Variants in RIC8B observed in about 807,000 individuals in gnomAD.
RIC8B encodes chaperone Ric-8B.
In RIC8B, 16 loss-of-function variants were observed where a neutral mutation model predicts 57.5. The ratio of observed to expected loss-of-function variants is 0.28; its 90% confidence interval spans 0.19 to 0.42. RIC8B has a LOEUF of 0.42. Ranked by LOEUF, RIC8B falls within the 10% of genes least tolerant of loss-of-function variation. The pLI is 1.00. For synonymous variants in RIC8B, 216 were observed against 250.8 expected, an observed-to-expected ratio of 0.86 and a Z score of 1.31; for missense variants, 481 against 677.0, an observed-to-expected ratio of 0.71 and a Z score of 3.21.
chr12:106,863,306 C>A (rs1261197374), intron 8 of RIC8B, among the ~76,000 whole-genome samples: 2 of 152,070 alleles, frequency 1.3e-5, no homozygotes, highest in East Asian at 3.8e-4. Context: ...AGCCTCCTTG[C>A]ACACTTAACA....
At chr12:106,792,388 A>C (rs899352293) in intron 2 of RIC8B, among the ~76,000 whole-genome samples, 20 of 152,186 alleles carry the variant, frequency 1.3e-4, no homozygotes, top group Admixed American at 1.2e-3. Context: ...TGATCGTTGG[A>C]TCACTTTTTA....
intron 8 of RIC8B, among the ~76,000 whole-genome samples, chr12:106,861,964 A>T (rs1949959303): frequency 6.6e-6 from 1 of 152,114 alleles, no homozygotes; most frequent in Non-Finnish European, 1.5e-5. Flanking sequence ...CTATAATGGT[A>T]ATGGTCATAT....
chr12:106,790,622 T>C (rs2136192697), intron 2 of RIC8B, among the ~76,000 whole-genome samples: 1 of 152,124 alleles, frequency 6.6e-6, no homozygotes, highest in East Asian at 1.9e-4. Flanking sequence ...AATTCACATG[T>C]TGAGGAAATG....
At chr12:106,846,003 A>G (rs1220030405) in intron 6 of RIC8B, among the ~76,000 whole-genome samples, 3 of 151,950 alleles carry the variant, frequency 2.0e-5, no homozygotes, top group Non-Finnish European at 2.9e-5. Context: ...CGTTTTCCTA[A>G]CCCTAAATGT....
chr12:106,784,982 A>G (rs1316633812), intron 2 of RIC8B, among the ~76,000 whole-genome samples: 1 of 152,146 alleles, frequency 6.6e-6, no homozygotes, highest in East Asian at 1.9e-4. Flanking sequence ...TTCATTTTCC[A>G]GTTACATGCT....
chr12:106,804,199 T>G (rs1438146972), intron 2 of RIC8B, among the ~76,000 whole-genome samples: 2 of 150,378 alleles, frequency 1.3e-5, no homozygotes, highest in Non-Finnish European at 3.0e-5. Flanking sequence ...AGTAGGTACT[T>G]TTTTTTCCTT....
At chr12:106,843,397 G>A (rs960663211) in intron 5 of RIC8B, among the ~76,000 whole-genome samples, 1 of 152,140 alleles carries the variant, frequency 6.6e-6, no homozygotes, top group Non-Finnish European at 1.5e-5. Context: ...GACCAAAAAA[G>A]GCAATAGTAA....
intron 2 of RIC8B, among the ~76,000 whole-genome samples, chr12:106,788,231 G>C (rs1467748823): frequency 1.3e-5 from 2 of 152,202 alleles, no homozygotes; most frequent in Non-Finnish European, 2.9e-5. Flanking sequence ...CAAGAGGTAG[G>C]TTCCCATAGT....
rs2045495285 is a variant in RIC8B, at chr12:106,814,753, G to A, written c.190G>A (p.Val64Met). ...LIKDIPTTCQ[V>M]SCLEVLRILS... is the part of the protein sequence containing the mutation. ...AAAGGACATCCCAACAACATGTCAAGTGTCCTGCCTGGAAGTACTCCGCAT... is the reference window on the plus strand; with the variant it reads ...AAAGGACATCCCAACAACATGTCAAATGTCCTGCCTGGAAGTACTCCGCAT... The change falls in exon 3 of 10, where the codon GTG becomes ATG. Residue 64 changes from valine to methionine, a missense_variant. Physicochemically the swap from Val to Met is conservative, Grantham distance 21. Transcript: ENST00000392837. The A allele has an allele frequency of 6.2e-7, 1 of 1,613,914 alleles. No individual in the cohort carries two copies. The highest frequency in any genetic ancestry group is 8.5e-7 in the Non-Finnish European group (1 of 1,179,864).
intron 4 of RIC8B, among the ~76,000 whole-genome samples, chr12:106,834,738 C>A (rs147626513): frequency 4.6e-4 from 70 of 152,082 alleles, no homozygotes; most frequent in African/African-American, 1.6e-3. Context: ...AATCCCAGCA[C>A]TTTGGGAGGC....
At chr12:106,780,956 TAGTA>T (rs1272748476) in intron 1 of RIC8B, among the ~76,000 whole-genome samples, 2 of 152,218 alleles carry the variant, frequency 1.3e-5, no homozygotes, top group Admixed American at 1.3e-4. Flanking sequence ...TTTACACTTT[TAGTA>T]AACAGTAAGA....
intron 9 of RIC8B, among the ~76,000 whole-genome samples, chr12:106,878,544 A>G (rs1468713138): frequency 6.6e-6 from 1 of 152,168 alleles, no homozygotes; most frequent in Admixed American, 6.5e-5. Context: ...TGCTTTATTT[A>G]TATACTAATT....
At chr12:106,813,186 C>CTT (rs1566071608) in intron 2 of RIC8B, among the ~76,000 whole-genome samples, 3 of 131,472 alleles carry the variant, frequency 2.3e-5, no homozygotes, top group African/African-American at 8.4e-5. Flanking sequence ...AAATACTATG[C>CTT]CTTTTTTTTT....
intron 4 of RIC8B, among the ~76,000 whole-genome samples, chr12:106,828,440 T>A (rs914211811): frequency 2.0e-5 from 3 of 152,240 alleles, no homozygotes; most frequent in Non-Finnish European, 4.4e-5. Flanking sequence ...AAAATTTTTT[T>A]AAAGGATTTC....
chr12:106,841,228 T>C (rs1192075752), intron 4 of RIC8B, among the ~76,000 whole-genome samples: 1 of 152,208 alleles, frequency 6.6e-6, no homozygotes. Flanking sequence ...ACTTGTATTT[T>C]ACTAGGAACC....
In RIC8B at chr12:106,802,077, AG is replaced by A. The variant is rs771897945; in HGVS notation, c.133-12616del. 1.2e-4 allele frequency among the ~76,000 whole-genome samples: 18 copies of A among 152,352 alleles called. No individual in the cohort carries two copies. In the East Asian group the frequency reaches 1.7e-3, roughly 15 times the overall value. ...AGTGTAGACATAACCTTGAGAGGCC[AG>A]GGAAACATCATCCATCCAAGGGAGC... On this transcript the variant is annotated intron_variant, in intron 2 of 9. Coordinates refer to ENST00000392837, the MANE Select transcript of RIC8B (RefSeq NM_001330145.2).
In RIC8B at chr12:106,815,210, G is replaced by A. The variant is rs1282226872; in HGVS notation, c.647G>A (p.Gly216Glu). The A allele has an allele frequency of 8.1e-6, 13 of 1,614,046 alleles. No homozygotes were observed. In the Admixed American group the frequency reaches 2.2e-4, roughly 27 times the overall value. ...TATGAATCGGCCATAGACCATAATG[G>A]ACCTCCTCTCTCACCTCAGGAGACA... ...DEYESAIDHN[G>E]PPLSPQETDC... The change falls in exon 3 of 10, where the codon GGA becomes GAA. Residue 216 changes from glycine to glutamate, a missense_variant. By Grantham distance (98) the Gly-to-Glu change is moderately conservative. This residue lies in a region of RIC8B where 421 missense variants were observed against 560.9 expected (regional missense o/e 0.75). Coordinates refer to ENST00000392837, the MANE Select transcript of RIC8B (RefSeq NM_001330145.2).
chr12:106,870,794 T>C, intron 8 of RIC8B, 29 bp from the exon 9 acceptor site: 1 of 1,466,484 alleles, frequency 6.8e-7, no homozygotes, highest in Non-Finnish European at 9.1e-7. Flanking sequence ...TTTTAAAACA[T>C]ACAGCATAAC....
chr12:106,831,854 C>G (rs557193113), intron 4 of RIC8B, among the ~76,000 whole-genome samples: 12 of 152,258 alleles, frequency 7.9e-5, no homozygotes, highest in East Asian at 1.9e-4. Flanking sequence ...CTCTCTGCCC[C>G]GAGAGCATCC....
Sources: allele counts gnomAD v4.1 joint callset (sites outside exome capture counted in the v4.1 genomes callset), GRCh38; gene constraint gnomAD v4.1.1; regional missense constraint gnomAD v4.1.1; transcripts MANE v1.5; gene names NCBI Gene and HGNC (gene_info 2026-07-23, HGNC 2026-07-21).